CADM2: variants seen among roughly 807,000 people sequenced by gnomAD.
CADM2 encodes immunoglobulin superfamily member 4D.
A neutral mutation model predicts 49.8 loss-of-function variants in CADM2; 12 were observed. The ratio of observed to expected loss-of-function variants is 0.24; its 90% confidence interval spans 0.15 to 0.39. The LOEUF (loss-of-function observed/expected upper bound fraction) is 0.39, where lower values mean the gene tolerates loss of function less well. CADM2 is among the 10% of genes least tolerant of loss of function. The pLI is 1.00. For missense variants in CADM2, 378 were observed against 492.3 expected (o/e 0.77, Z 2.20); for synonymous variants, 214 against 175.4 (o/e 1.22, Z -1.74).
intron 1 of CADM2, among the ~76,000 whole-genome samples, chr3:85,589,292 T>C (rs2107333125): frequency 6.6e-6 from 1 of 152,174 alleles, no homozygotes; most frequent in East Asian, 1.9e-4. Flanking sequence ...GCGGTAATAT[T>C]TGAGTTTCTG....
intron 1 of CADM2, among the ~76,000 whole-genome samples, chr3:84,993,757 T>C (rs1450745445): frequency 6.6e-6 from 1 of 152,210 alleles, no homozygotes; most frequent in Non-Finnish European, 1.5e-5. Flanking sequence ...TCAGTAGCCT[T>C]AGGGTGCAGA....
At chr3:85,507,182 ATT>A (rs71108295) in intron 1 of CADM2, among the ~76,000 whole-genome samples, 71 of 127,218 alleles carry the variant, frequency 5.6e-4, no homozygotes, top group African/African-American at 1.4e-3. Context: ...CACCCAGTGT[ATT>A]TTTTTTTTTT....
chr3:85,622,727 C>T (rs926534350), intron 1 of CADM2, among the ~76,000 whole-genome samples: 2 of 152,092 alleles, frequency 1.3e-5, no homozygotes, highest in Admixed American at 6.6e-5. Flanking sequence ...ATCCCAGCCC[C>T]GCTACCCCTA....
intron 1 of CADM2, among the ~76,000 whole-genome samples, chr3:85,471,687 C>CATTTT (rs56816947): frequency 0.091 from 13,087 of 143,332 alleles, 1,336 homozygotes; most frequent in African/African-American, 0.24. Flanking sequence ...ATATTTTTAG[C>CATTTT]ATTTTATTTT....
chr3:85,820,264 C>T (rs1006120309), intron 3 of CADM2, among the ~76,000 whole-genome samples: 12 of 152,182 alleles, frequency 7.9e-5, no homozygotes, highest in Admixed American at 1.3e-4. Context: ...AGATGAGAAA[C>T]GAGCAGAGAG....
intron 1 of CADM2, among the ~76,000 whole-genome samples, chr3:85,258,223 A>G (rs900885152): frequency 6.6e-6 from 1 of 152,246 alleles, no homozygotes; most frequent in African/African-American, 2.4e-5. Context: ...AAAGTGTTTC[A>G]TGCATACTAG....
chr3:85,962,348 C>G (rs956756969), intron 8 of CADM2, among the ~76,000 whole-genome samples: 12 of 151,884 alleles, frequency 7.9e-5, no homozygotes. Context: ...AATTTGGTTT[C>G]ACAAAGAATG....
chr3:85,806,394 T>A (rs1204615786), intron 3 of CADM2, among the ~76,000 whole-genome samples: 1 of 152,170 alleles, frequency 6.6e-6, no homozygotes, highest in Non-Finnish European at 1.5e-5. Flanking sequence ...CATTTCATGC[T>A]ACCTGGAGGT....
intron 1 of CADM2, among the ~76,000 whole-genome samples, chr3:85,215,795 TTTCATGTGTGCTGGCTGAG>T (rs1198434910): frequency 6.6e-6 from 1 of 152,100 alleles, no homozygotes; most frequent in African/African-American, 2.4e-5. Flanking sequence ...TAGATGCTCT[TTTCATGTGTGCTGGCTGAG>T]TTCTGCCCAA....
intron 3 of CADM2, among the ~76,000 whole-genome samples, chr3:85,822,000 A>G (rs1303400435): frequency 6.6e-6 from 1 of 152,206 alleles, no homozygotes; most frequent in Non-Finnish European, 1.5e-5. Context: ...TATGAGAGAA[A>G]CAGTAATTTT....
chr3:85,120,375 C>G (rs2038809795), intron 1 of CADM2, among the ~76,000 whole-genome samples: 1 of 152,130 alleles, frequency 6.6e-6, no homozygotes. Flanking sequence ...TATAAAGAAA[C>G]ATGTACACGT....
chr3:84,986,909 G>C (rs887914579), intron 1 of CADM2, among the ~76,000 whole-genome samples: 5 of 151,538 alleles, frequency 3.3e-5, no homozygotes, highest in Non-Finnish European at 5.9e-5. Flanking sequence ...AAAATTAGCT[G>C]GGTGTGGTGG....
chr3:85,011,387 G>C (rs918834523), intron 1 of CADM2, among the ~76,000 whole-genome samples: 1 of 152,038 alleles, frequency 6.6e-6, no homozygotes, highest in Admixed American at 6.6e-5. Flanking sequence ...GATTTTGATA[G>C]AAAATTTTTA....
At chr3:85,321,116 ATTTTTTTTTTTTTTTTTTTTTTTTTTT>A (rs1157576505) in intron 1 of CADM2, among the ~76,000 whole-genome samples, 525 of 27,476 alleles carry the variant, frequency 0.019, 6 homozygotes, top group African/African-American at 0.066. Flanking sequence ...ATATATATAT[ATTTTTTTTTTTTTTTTTTTTTTTTTTT>A]TTTTTTTTTT....
Position 86,014,361 on chromosome 3 carries a change from T to C in CADM2, c.971-51244T>C. The C allele has an allele frequency of 2.1e-6, 3 of 1,425,836 alleles. No individual in the cohort carries two copies. The South Asian group carries it at 4.7e-5, about 23-fold the overall frequency. The allele number at this position is 1,425,836 out of a possible 1,614,324, so 88.3% of individuals were successfully genotyped here. On this transcript the variant is annotated intron_variant, in intron 8 of 9. Transcript: ENST00000383699. ...CCAGGGGCAAACCTCTGATGTCTTA[T>C]TTGCAGCTGGTAGCTTGACTGTAGT...
rs528332577 is a variant in CADM2, at chr3:86,015,091, C to A, written c.971-50514C>A. ...TATACAAGTAAGTCAGAGCTTCCCACAGATAATTCCAAAACCATCGAAAAT... is the reference window on the plus strand; with the variant it reads ...TATACAAGTAAGTCAGAGCTTCCCAAAGATAATTCCAAAACCATCGAAAAT... On this transcript the variant is annotated intron_variant, in intron 8 of 9. Transcript: ENST00000383699. The A allele has an allele frequency of 4.8e-5, 29 of 598,500 alleles. No individual in the cohort carries two copies. In the Admixed American group the frequency reaches 5.3e-4, roughly 11 times the overall value. 37.1% of individuals were successfully genotyped at this position (598,500 alleles called of 1,614,324 possible). A position where few individuals can be genotyped will look rare whatever the true frequency, so the allele number is the denominator to read the frequency against.
At chr3:85,341,191 T>A (rs2045230984) in intron 1 of CADM2, among the ~76,000 whole-genome samples, 1 of 151,856 alleles carries the variant, frequency 6.6e-6, no homozygotes, top group African/African-American at 2.4e-5. Context: ...ATTTGTTTAA[T>A]CTGATAATTA....
intron 1 of CADM2, among the ~76,000 whole-genome samples, chr3:85,148,005 G>A (rs1282258672): frequency 6.6e-6 from 1 of 152,150 alleles, no homozygotes; most frequent in Non-Finnish European, 1.5e-5. Flanking sequence ...TGTTGTTGGA[G>A]CAATGATCAC....
In CADM2 at chr3:85,847,658, G is replaced by A. The variant is rs138914981; in HGVS notation, c.239-35633G>A. On this transcript the variant is annotated intron_variant, in intron 3 of 9. Coordinates refer to ENST00000383699, the MANE Select transcript of CADM2 (RefSeq NM_001167675.2). ...TTAGCACACTAGAAGCTGTCAAATC[G>A]TTCTCAGAAAGAGTGGAAGAATTGG... 5.7e-4 allele frequency among the ~76,000 whole-genome samples: 86 copies of A among 152,166 alleles called. No individual in the cohort carries two copies. The East Asian group carries it at 0.015, about 27-fold the overall frequency.
Sources: allele counts gnomAD v4.1 joint callset (sites outside exome capture counted in the v4.1 genomes callset), GRCh38; gene constraint gnomAD v4.1.1; transcripts MANE v1.5; gene names NCBI Gene and HGNC (gene_info 2026-07-23, HGNC 2026-07-21).